The following NIPAL2 variants were observed in gnomAD, a reference collection of about 807,000 sequenced individuals.
NIPAL2 encodes NIPA like domain containing 2.
NIPAL2 carries 43 observed loss-of-function variants against 48.9 expected under a neutral mutation model. That is an observed-to-expected ratio of 0.88 (90% CI 0.69 to 1.13). The LOEUF is 1.13. Among genes scored for constraint, NIPAL2 ranks in the 50% most tolerant of loss-of-function variants. The probability of loss-of-function intolerance (pLI) is 0.00; values close to 1 mark genes in which losing one functional copy is unlikely to be tolerated. For missense variants in NIPAL2, 446 were observed against 461.4 expected, an observed-to-expected ratio of 0.97 and a Z score of 0.31; for synonymous variants, 167 against 174.6, an observed-to-expected ratio of 0.96 and a Z score of 0.34.
chr8:98,226,996 C>T (rs1292502379), intron 4 of NIPAL2, among the ~76,000 whole-genome samples: 4 of 152,184 alleles, frequency 2.6e-5, no homozygotes, highest in Admixed American at 2.6e-4. Flanking sequence ...GTCTTTTCTA[C>T]TTGTCCCTCC....
Position 98,280,761 on chromosome 8 carries a change from T to TATATATATATATATATAGAGAGAG in NIPAL2, c.135+13241_135+13242insCTCTCTCTATATATATATATATAT. Among the ~76,000 whole-genome samples, 63 of 30,006 alleles carry TATATATATATATATATAGAGAGAG rather than the reference T, an allele frequency of 2.1e-3. 3 individuals are homozygous for TATATATATATATATATAGAGAGAG. The highest frequency in any genetic ancestry group is 2.4e-3 in the African/African-American group (21 of 8,784). The allele number at this position is 30,006 out of a possible 152,430, so 19.7% of individuals were successfully genotyped here. A position where few individuals can be genotyped will look rare whatever the true frequency, so the allele number is the denominator to read the frequency against. ...CTATATATATATATATATATATATA[T>TATATATATATATATATAGAGAGAG]AGAGAGAGAGAGAGAGAGAGAGAGA... On this transcript the variant is annotated intron_variant, in intron 1 of 10. Coordinates refer to ENST00000430223, the MANE Select transcript of NIPAL2 (RefSeq NM_001321635.2).
intron 1 of NIPAL2, among the ~76,000 whole-genome samples, chr8:98,292,269 T>C (rs1816526157): frequency 6.6e-6 from 1 of 152,260 alleles, no homozygotes; most frequent in African/African-American, 2.4e-5. Flanking sequence ...AATTTTATTT[T>C]TACTGGCCTG....
chr8:98,265,946 G>A (rs1365847430), intron 1 of NIPAL2, among the ~76,000 whole-genome samples: 6 of 151,772 alleles, frequency 4.0e-5, no homozygotes, highest in Non-Finnish European at 8.8e-5. Flanking sequence ...GGAATACTAT[G>A]CAGCCATAAA....
Position 98,215,546 on chromosome 8 carries a change from C to A in NIPAL2, c.559-3045G>T, listed in dbSNP as rs190503798. Among the ~76,000 whole-genome samples, 7 of 152,272 alleles carry A rather than the reference C, an allele frequency of 4.6e-5. 1 individual carries two copies. The highest frequency in any genetic ancestry group is 8.8e-5 in the Non-Finnish European group (6 of 68,014). On this transcript the variant is annotated intron_variant, in intron 5 of 10. Coordinates refer to ENST00000430223, the MANE Select transcript of NIPAL2 (RefSeq NM_001321635.2). ...TTCTCAGAGCTTCCTGTTACGAATT[C>A]GTTGAATCCTCACAACCATTTAGGA...
chr8:98,288,894 T>C (rs1563562009), intron 1 of NIPAL2, among the ~76,000 whole-genome samples: 1 of 152,174 alleles, frequency 6.6e-6, no homozygotes, highest in Non-Finnish European at 1.5e-5. Flanking sequence ...CCTCCTCCCA[T>C]CACAACCCTC....
intron 6 of NIPAL2, among the ~76,000 whole-genome samples, chr8:98,210,016 A>G (rs1332476322): frequency 6.6e-6 from 1 of 151,906 alleles, no homozygotes; most frequent in Non-Finnish European, 1.5e-5. Context: ...TATCATTTCT[A>G]TTTTGGGGTA....
At chr8:98,195,259 A>AATTTTC (rs1328373067) in intron 9 of NIPAL2, among the ~76,000 whole-genome samples, 2 of 152,204 alleles carry the variant, frequency 1.3e-5, no homozygotes, top group African/African-American at 2.4e-5. Context: ...TATGAAATTG[A>AATTTTC]ATTTTCAAGA....
intron 7 of NIPAL2, among the ~76,000 whole-genome samples, chr8:98,203,923 T>C (rs1017177829): frequency 3.3e-5 from 5 of 152,066 alleles, no homozygotes; most frequent in African/African-American, 9.7e-5. Flanking sequence ...TATGTGCATG[T>C]ATGCCTGCAA....
At chr8:98,240,768 T>C (rs929288374) in intron 3 of NIPAL2, among the ~76,000 whole-genome samples, 5 of 152,188 alleles carry the variant, frequency 3.3e-5, no homozygotes, top group Non-Finnish European at 7.3e-5. Flanking sequence ...ACTCAGAGTA[T>C]CACTCCAGGT....
chr8:98,216,834 C>T (rs1036765105), intron 5 of NIPAL2, among the ~76,000 whole-genome samples: 1 of 152,232 alleles, frequency 6.6e-6, no homozygotes, highest in Admixed American at 6.5e-5. Context: ...CATTTTCTAA[C>T]ATGGTTTTTG....
chr8:98,255,244 A>G (rs2130835878), intron 1 of NIPAL2, among the ~76,000 whole-genome samples: 3 of 152,338 alleles, frequency 2.0e-5, no homozygotes, highest in Admixed American at 2.0e-4. Context: ...TTATTTAACG[A>G]TTTCAAAAGA....
intron 1 of NIPAL2, among the ~76,000 whole-genome samples, chr8:98,288,573 G>A (rs1203473744): frequency 1.3e-5 from 2 of 150,868 alleles, no homozygotes; most frequent in Non-Finnish European, 3.0e-5. Flanking sequence ...GGATGGCTGG[G>A]TCAAATGGTA....
chr8:98,277,482 A>G (rs1309053810), intron 1 of NIPAL2, among the ~76,000 whole-genome samples: 2 of 152,170 alleles, frequency 1.3e-5, no homozygotes, highest in Non-Finnish European at 2.9e-5. Flanking sequence ...GGTTGCAGTG[A>G]GCTGGGGTCG....
chr8:98,220,676 T>C (rs1811809221), intron 5 of NIPAL2, among the ~76,000 whole-genome samples: 1 of 152,176 alleles, frequency 6.6e-6, no homozygotes, highest in Admixed American at 6.5e-5. Flanking sequence ...CCTGAAGTGT[T>C]GGGTAACAGA....
intron 4 of NIPAL2, among the ~76,000 whole-genome samples, chr8:98,230,784 G>T (rs141579049): frequency 2.0e-5 from 3 of 152,154 alleles, no homozygotes; most frequent in African/African-American, 7.2e-5. Flanking sequence ...CCTCTAGCTG[G>T]CGGAGTCTTG....
chr8:98,288,287 G>A (rs1222820005), intron 1 of NIPAL2, among the ~76,000 whole-genome samples: 1 of 146,972 alleles, frequency 6.8e-6, no homozygotes, highest in African/African-American at 2.5e-5. Flanking sequence ...GAGAATATGT[G>A]GTGTTTGGTT....
intron 3 of NIPAL2, among the ~76,000 whole-genome samples, chr8:98,241,991 A>G (rs1361015257): frequency 6.6e-6 from 1 of 152,216 alleles, no homozygotes; most frequent in Admixed American, 6.5e-5. Flanking sequence ...CATTAAAAAA[A>G]TAAAAGGTGA....
intron 4 of NIPAL2, among the ~76,000 whole-genome samples, chr8:98,230,290 C>A (rs1812378283): frequency 6.6e-6 from 1 of 152,086 alleles, no homozygotes; most frequent in Non-Finnish European, 1.5e-5. Flanking sequence ...GGCAGAGGAC[C>A]CTGGGGTCCT....
chr8:98,253,858 G>GA (rs1813730637), intron 2 of NIPAL2, among the ~76,000 whole-genome samples, 161 bp downstream of exon 2: 1 of 152,044 alleles, frequency 6.6e-6, no homozygotes, highest in Admixed American at 6.5e-5. Flanking sequence ...ACTCCAGCCT[G>GA]AATTATATTT....
Sources: allele counts gnomAD v4.1 joint callset (sites outside exome capture counted in the v4.1 genomes callset), GRCh38; gene constraint gnomAD v4.1.1; transcripts MANE v1.5; gene names NCBI Gene and HGNC (gene_info 2026-07-23, HGNC 2026-07-21).